Variants in UNC5D observed in about 807,000 individuals in gnomAD.
UNC5D encodes netrin receptor UNC5D.
A neutral mutation model predicts 105.4 loss-of-function variants in UNC5D; 39 were observed. That is an observed-to-expected ratio of 0.37 (90% CI 0.29 to 0.48). The LOEUF (loss-of-function observed/expected upper bound fraction) is 0.48, where lower values mean the gene tolerates loss of function less well. Among genes scored for constraint, UNC5D ranks in the 20% least tolerant of loss-of-function variants. UNC5D has a pLI of 0.98. For missense variants in UNC5D, 991 were observed against 1,202.4 expected, an observed-to-expected ratio of 0.82 and a Z score of 2.60; for synonymous variants, 452 against 450.4, an observed-to-expected ratio of 1.00 and a Z score of -0.04.
intron 11 of UNC5D, among the ~76,000 whole-genome samples, chr8:35,747,905 A>T (rs1474309542): frequency 1.3e-5 from 2 of 152,258 alleles, no homozygotes; most frequent in African/African-American, 4.8e-5. Flanking sequence ...AAAGAGTTGA[A>T]AGATACACAT....
intron 1 of UNC5D, chr8:35,544,380 C>A: frequency 6.3e-7 from 1 of 1,598,172 alleles, no homozygotes; most frequent in South Asian, 1.1e-5. Flanking sequence ...AACAGAAAAT[C>A]TATCAGTAGC....
At chr8:35,615,043 CCCCCCCGT>C (rs1820940991) in intron 4 of UNC5D, among the ~76,000 whole-genome samples, 2 of 129,130 alleles carry the variant, frequency 1.5e-5, no homozygotes, top group African/African-American at 5.4e-5. Context: ...GGGGCCCCCC[CCCCCCCGT>C]CCCCCACCCC....
In UNC5D at chr8:35,525,790, T is replaced by C. The variant is rs940356725; in HGVS notation, c.104-23502T>C. 7 of 1,487,592 alleles carry C rather than the reference T, an allele frequency of 4.7e-6. No homozygotes were observed. The African/African-American group carries it at 8.5e-5, about 18-fold the overall frequency. The allele number at this position is 1,487,592 out of a possible 1,614,324, so 92.1% of individuals were successfully genotyped here. On this transcript the variant is annotated intron_variant, in intron 1 of 16. Transcript: ENST00000404895. ...TTGGGAGTGCCGTAATGTGCTCTTT[T>C]AACTAACTTTTTTGTTTTAATTATA...
At chr8:35,279,938 A>G (rs1327344034) in intron 1 of UNC5D, among the ~76,000 whole-genome samples, 1 of 152,182 alleles carries the variant, frequency 6.6e-6, no homozygotes, top group African/African-American at 2.4e-5. Context: ...ACTCTCATCA[A>G]TCATGCAGTT....
chr8:35,569,438 A>G (rs1817577180), intron 3 of UNC5D, among the ~76,000 whole-genome samples: 2 of 152,202 alleles, frequency 1.3e-5, no homozygotes, highest in Non-Finnish European at 2.9e-5. Flanking sequence ...ATAGGAGTGA[A>G]TTGCTATTTG....
chr8:35,262,552 G>A (rs1181989842), intron 1 of UNC5D, among the ~76,000 whole-genome samples: 1 of 152,174 alleles, frequency 6.6e-6, no homozygotes, highest in Non-Finnish European at 1.5e-5. Context: ...GTAGGAAACA[G>A]ACTTTCACCC....
At chr8:35,465,658 A>C (rs1349545063) in intron 1 of UNC5D, among the ~76,000 whole-genome samples, 1 of 152,182 alleles carries the variant, frequency 6.6e-6, no homozygotes, top group African/African-American at 2.4e-5. Flanking sequence ...TTCCACTGTT[A>C]TAAGCAGAAT....
chr8:35,697,402 C>G (rs1400060364), intron 7 of UNC5D, among the ~76,000 whole-genome samples: 1 of 150,882 alleles, frequency 6.6e-6, no homozygotes, highest in Non-Finnish European at 1.5e-5. Flanking sequence ...CTCATTCACA[C>G]CTAAAATCAG....
intron 1 of UNC5D, among the ~76,000 whole-genome samples, chr8:35,246,087 CA>C (rs1803076284): frequency 6.6e-6 from 1 of 152,130 alleles, no homozygotes; most frequent in South Asian, 2.1e-4. Context: ...AGAAAGTTCA[CA>C]ATTATGTGTA....
chr8:35,290,585 T>G (rs756460059), intron 1 of UNC5D, among the ~76,000 whole-genome samples: 2 of 152,166 alleles, frequency 1.3e-5, no homozygotes, highest in Non-Finnish European at 2.9e-5. Context: ...GCAAGGCATC[T>G]ATAGTCAATA....
At chr8:35,364,625 C>T (rs1189958302) in intron 1 of UNC5D, among the ~76,000 whole-genome samples, 1 of 152,018 alleles carries the variant, frequency 6.6e-6, no homozygotes, top group Non-Finnish European at 1.5e-5. Context: ...GTGAACAGGA[C>T]TAGAAAATGT....
At chr8:35,513,089 G>A (rs540700109) in intron 1 of UNC5D, among the ~76,000 whole-genome samples, 6 of 152,070 alleles carry the variant, frequency 3.9e-5, no homozygotes, top group African/African-American at 1.4e-4. Flanking sequence ...GCTTTCTTTG[G>A]TTTTTCTAGT....
chr8:35,751,884 T>C (rs2131645551), intron 13 of UNC5D, among the ~76,000 whole-genome samples: 1 of 152,194 alleles, frequency 6.6e-6, no homozygotes, highest in Admixed American at 6.5e-5. Context: ...CAAATTTCCA[T>C]GGATGGATGC....
chr8:35,353,411 G>A (rs1018629076), intron 1 of UNC5D, among the ~76,000 whole-genome samples: 58 of 152,262 alleles, frequency 3.8e-4, no homozygotes, highest in African/African-American at 1.1e-3. Context: ...TACTGTTGTC[G>A]TGTCGGTGGA....
intron 1 of UNC5D, among the ~76,000 whole-genome samples, chr8:35,415,698 C>A (rs948255906): frequency 1.3e-5 from 2 of 152,262 alleles, no homozygotes; most frequent in East Asian, 3.9e-4. Context: ...ACTTTCCTGA[C>A]TTTTGTGTTC....
At chr8:35,381,903 C>T (rs113821205) in intron 1 of UNC5D, among the ~76,000 whole-genome samples, 2,426 of 152,190 alleles carry the variant, frequency 0.016, 70 homozygotes, top group African/African-American at 0.057. Context: ...TGTTTTGTGC[C>T]AGTGATTTCA....
chr8:35,345,809 CAG>C (rs942992857), intron 1 of UNC5D, among the ~76,000 whole-genome samples: 10 of 151,818 alleles, frequency 6.6e-5, no homozygotes, highest in African/African-American at 2.4e-4. Context: ...AAGTGAGGAA[CAG>C]AGATTTTATG....
chr8:35,437,314 T>C (rs1798188046), intron 1 of UNC5D, among the ~76,000 whole-genome samples: 1 of 152,054 alleles, frequency 6.6e-6, no homozygotes, highest in South Asian at 2.1e-4. Context: ...GTGTTACATT[T>C]CCTCTCCAGC....
At chr8:35,498,090 A>AC (rs1811726366) in intron 1 of UNC5D, among the ~76,000 whole-genome samples, 3 of 101,628 alleles carry the variant, frequency 3.0e-5, no homozygotes. Context: ...AAAACAAAAA[A>AC]AAAAAAAAAA....
Sources: allele counts gnomAD v4.1 joint callset (sites outside exome capture counted in the v4.1 genomes callset), GRCh38; gene constraint gnomAD v4.1.1; transcripts MANE v1.5; gene names NCBI Gene and HGNC (gene_info 2026-07-23, HGNC 2026-07-21).